The following ADAM12 variants were observed in gnomAD, a reference collection of about 807,000 sequenced individuals.
The protein encoded by ADAM12 is disintegrin and metalloproteinase domain-containing protein 12.
Under a neutral mutation model 106.4 loss-of-function variants are expected in ADAM12, and 70 were observed. The ratio of observed to expected loss-of-function variants is 0.66; its 90% CI spans 0.54 to 0.80. The LOEUF (loss-of-function observed/expected upper bound fraction) is 0.80, where lower values mean the gene tolerates loss of function less well. Ranked by LOEUF, ADAM12 falls within the 30% of genes least tolerant of loss-of-function variation. The pLI is 0.00. For missense variants in ADAM12, 1,010 were observed against 1,171.9 expected (o/e 0.86, Z 2.02); for synonymous variants, 420 against 433.5 (o/e 0.97, Z 0.39).
At chr10:126,334,333 A>G (rs963990384) in intron 1 of ADAM12, among the ~76,000 whole-genome samples, 2 of 152,184 alleles carry the variant, frequency 1.3e-5, no homozygotes, top group African/African-American at 4.8e-5. Context: ...ATAGTTACCT[A>G]AATAAGAAAT....
chr10:126,149,297 T>C (rs148369643), intron 4 of ADAM12, among the ~76,000 whole-genome samples: 57 of 152,338 alleles, frequency 3.7e-4, no homozygotes, highest in African/African-American at 1.3e-3. Flanking sequence ...GATGCCTGGA[T>C]ATGTAGACTT....
intron 3 of ADAM12, among the ~76,000 whole-genome samples, chr10:126,275,579 C>T (rs1959221426): frequency 6.6e-6 from 1 of 152,132 alleles, no homozygotes; most frequent in Non-Finnish European, 1.5e-5. Context: ...GAGACTGGGA[C>T]CGCTTTAATT....
intron 3 of ADAM12, among the ~76,000 whole-genome samples, chr10:126,209,054 C>T (rs1957851235): frequency 6.6e-6 from 1 of 152,104 alleles, no homozygotes; most frequent in Admixed American, 6.5e-5. Context: ...AAAATTGAGA[C>T]CAGCAAGAGA....
chr10:126,156,590 GT>G (rs1422081287), intron 3 of ADAM12, among the ~76,000 whole-genome samples: 1 of 152,178 alleles, frequency 6.6e-6, no homozygotes, highest in East Asian at 1.9e-4. Flanking sequence ...TCCTTGTTTT[GT>G]TTGTGCATTT....
chr10:126,051,588 T>TCCAGCCAGCCAGCCAGCCAGCCAGCCAG (rs199619555), intron 14 of ADAM12, among the ~76,000 whole-genome samples: 1 of 124,316 alleles, frequency 8.0e-6, no homozygotes, highest in African/African-American at 3.1e-5. Flanking sequence ...CATCCATCCA[T>TCCAGCCAGCCAGCCAGCCAGCCAGCCAG]CCAGCCAGCC....
intron 9 of ADAM12, among the ~76,000 whole-genome samples, chr10:126,099,962 C>A (rs548122744): frequency 2.5e-4 from 36 of 142,432 alleles, no homozygotes; most frequent in African/African-American, 9.8e-4. Flanking sequence ...CTACTTCATA[C>A]TAATTTAGAT....
chr10:126,221,404 A>AGAAAG (rs1172726244), intron 3 of ADAM12, among the ~76,000 whole-genome samples: 2 of 149,852 alleles, frequency 1.3e-5, no homozygotes, highest in African/African-American at 4.9e-5. Flanking sequence ...AAAAAAAAAA[A>AGAAAG]AAAGAAAGAA....
At chr10:126,244,271 T>C (rs2133661843) in intron 3 of ADAM12, among the ~76,000 whole-genome samples, 1 of 152,274 alleles carries the variant, frequency 6.6e-6, no homozygotes, top group Middle Eastern at 3.4e-3. Context: ...CTCTGAGAGA[T>C]CAGACAATCG....
chr10:126,082,187 T>C (rs936341894), intron 11 of ADAM12, among the ~76,000 whole-genome samples: 1 of 152,154 alleles, frequency 6.6e-6, no homozygotes, highest in African/African-American at 2.4e-5. Flanking sequence ...CAGCTGTGGT[T>C]GTCTTCTGTT....
intron 2 of ADAM12, among the ~76,000 whole-genome samples, chr10:126,296,925 G>A (rs1349318520): frequency 6.6e-6 from 1 of 152,208 alleles, no homozygotes; most frequent in Non-Finnish European, 1.5e-5. Flanking sequence ...GACTTTTAAA[G>A]CTGGGATTCC....
intron 1 of ADAM12, among the ~76,000 whole-genome samples, chr10:126,351,991 C>T (rs1855378462): frequency 6.6e-6 from 1 of 152,176 alleles, no homozygotes; most frequent in Admixed American, 6.5e-5. Context: ...AGGGACTTCA[C>T]TGAAGACCTC....
intron 22 of ADAM12, among the ~76,000 whole-genome samples, chr10:126,018,624 C>A (rs1324315426): frequency 6.6e-6 from 1 of 152,116 alleles, no homozygotes; most frequent in Non-Finnish European, 1.5e-5. Context: ...ATAATTTAAT[C>A]CTTAATATTG....
At chr10:126,143,084 T>C (rs1373415934) in intron 4 of ADAM12, among the ~76,000 whole-genome samples, 2 of 151,676 alleles carry the variant, frequency 1.3e-5, no homozygotes, top group South Asian at 2.1e-4. Context: ...TGCATGTGTG[T>C]ATATGTACGT....
chr10:126,063,799 G>T (rs1422582992), intron 14 of ADAM12, among the ~76,000 whole-genome samples: 3 of 152,226 alleles, frequency 2.0e-5, no homozygotes, highest in African/African-American at 7.2e-5. Context: ...GGGTGACGGG[G>T]CCTTGGAGTC....
chr10:126,030,548 G>T (rs996311530), intron 21 of ADAM12, among the ~76,000 whole-genome samples: 3 of 152,138 alleles, frequency 2.0e-5, no homozygotes, highest in African/African-American at 7.2e-5. Context: ...TCAGGCATCT[G>T]CTTTTTATGT....
intron 3 of ADAM12, among the ~76,000 whole-genome samples, chr10:126,159,794 G>A (rs994966410): frequency 6.6e-6 from 1 of 152,196 alleles, no homozygotes; most frequent in African/African-American, 2.4e-5. Context: ...ATGTGACTCA[G>A]AACAGCAATA....
intron 2 of ADAM12, among the ~76,000 whole-genome samples, chr10:126,308,255 G>A (rs930188256): frequency 2.6e-5 from 4 of 152,264 alleles, no homozygotes; most frequent in Non-Finnish European, 4.4e-5. Context: ...AACTAGAAGC[G>A]TACTCTTTAG....
intron 4 of ADAM12, among the ~76,000 whole-genome samples, chr10:126,148,166 A>G (rs1956663702): frequency 6.6e-6 from 1 of 152,230 alleles, no homozygotes; most frequent in Non-Finnish European, 1.5e-5. Flanking sequence ...CAAAATTAAA[A>G]TCAGCCACTC....
chr10:126,150,261 T>C (rs1290717595), intron 4 of ADAM12, among the ~76,000 whole-genome samples: 4 of 152,206 alleles, frequency 2.6e-5, no homozygotes, highest in Non-Finnish European at 5.9e-5. Context: ...AAATGAGATC[T>C]TAGGGAGGTA....
Sources: gnomAD v4.1 joint callset for allele counts (sites outside exome capture counted in the v4.1 genomes callset) on GRCh38, gnomAD v4.1.1 for gene constraint, MANE v1.5 for transcripts, NCBI Gene and HGNC (gene_info 2026-07-23, HGNC 2026-07-21) for gene names.